Variants in MBLAC1 observed in about 807,000 individuals in gnomAD.
MBLAC1 encodes the protein metallo-beta-lactamase domain-containing protein 1.
In MBLAC1, 1 loss-of-function variant was observed where a neutral mutation model predicts 1.5. The ratio of observed to expected loss-of-function variants is 0.68; its 90% confidence interval spans 0.24 to 3.21. MBLAC1 has a LOEUF of 3.21. MBLAC1 is among the 30% of genes most tolerant of loss of function. The pLI, the probability that MBLAC1 is intolerant of heterozygous loss-of-function variation, is 0.20. For synonymous variants in MBLAC1, 197 were observed against 191.3 expected, an observed-to-expected ratio of 1.03 and a Z score of -0.25; for missense variants, 371 against 384.7, an observed-to-expected ratio of 0.96 and a Z score of 0.30.
chr7:100,128,030 C>G lies in MBLAC1; in HGVS notation c.635C>G (p.Ala212Gly). The G allele has an allele frequency of 6.2e-7, 1 of 1,613,644 alleles. No homozygotes were observed. The highest frequency in any genetic ancestry group is 8.5e-7 in the Non-Finnish European group (1 of 1,179,840). Residue 212 changes from alanine to glycine, a missense_variant, in exon 2 of 2, where the codon GCC becomes GGC. Ala to Gly is a moderately conservative substitution (Grantham distance 60). Transcript: ENST00000398075. ...CAGGCACTGAGTGAAGACCCCGCAG[C>G]CCAGGAGCGGAGCCGGAAGAGGGTC... ...SWQALSEDPA[A>G]QERSRKRVLV...
Position 100,127,937 on chromosome 7 carries a change from G to A in MBLAC1, c.542G>A (p.Gly181Asp). 1 of 1,594,954 alleles carries A rather than the reference G, an allele frequency of 6.3e-7. No individual in the cohort carries two copies. ...GQRDVSVVVA[G>D]TALGTVVVAG... ...CGCGACGTGAGCGTGGTGGTGGCCG[G>A]CACGGCTCTGGGCACCGTGGTGGTG... The change falls in exon 2 of 2, where the codon GGC becomes GAC. Residue 181 changes from glycine to aspartate, a missense_variant. Coordinates refer to ENST00000398075, the MANE Select transcript of MBLAC1 (RefSeq NM_203397.3). This position sits in a 1 kb window ranked among gnomAD's most constrained non-coding sequence, Gnocchi z 4.6.
rs1162670863 is a variant in MBLAC1 at position 100,127,077 on chromosome 7, T to C, written c.-29+13T>C. On this transcript the variant is annotated intron_variant, in intron 1 of 1. Transcript: ENST00000398075. This position sits in a 1 kb window ranked among gnomAD's most constrained non-coding sequence, Gnocchi z 4.6. Reference sequence around the variant, plus strand: ...GCAGAGGCCCAAGGTAGAGCGCGGCTAGGATTCGATGGAGGGAAACATAAA... The same window carrying C: ...GCAGAGGCCCAAGGTAGAGCGCGGCCAGGATTCGATGGAGGGAAACATAAA... The C allele has an allele frequency of 2.8e-6, 1 of 354,090 alleles. No individual in the cohort carries two copies. Among genetic ancestry groups the C allele is most frequent in the Non-Finnish European group, 5.2e-6 (1 of 191,246 alleles). 21.9% of individuals were successfully genotyped at this position (354,090 alleles called of 1,614,324 possible).
Position 100,128,339 on chromosome 7 carries a change from A to T in MBLAC1, c.*143A>T, listed in dbSNP as rs753600917. 5.9e-6 allele frequency: 4 copies of T among 682,388 alleles called. No individual in the cohort carries two copies. Among genetic ancestry groups the T allele is most frequent in the Non-Finnish European group, 1.0e-5 (4 of 401,072 alleles). 42.3% of individuals were successfully genotyped at this position (682,388 alleles called of 1,614,324 possible). ...CTAGTGAAGACAGAGTGCACCTGAC[A>T]CTGCCATCACATCGTCAGTATCACT... On this transcript the variant is annotated 3_prime_UTR_variant, in exon 2 of 2. Transcript: ENST00000398075.
Position 100,127,152 on chromosome 7 carries a change from A to G in MBLAC1, c.-29+88A>G. ...CAAGGACGTACGTACCGCGAACGGA[A>G]TGGGGCGGGGGCCGAGGACGCCGAG... On this transcript the variant is annotated intron_variant, in intron 1 of 1. Transcript: ENST00000398075. This position sits in a 1 kb window ranked among gnomAD's most constrained non-coding sequence, Gnocchi z 4.6. The G allele has an allele frequency of 6.0e-6, 3 of 503,084 alleles. No homozygotes were observed. In the South Asian group the frequency reaches 7.4e-5, roughly 12 times the overall value. The allele number at this position is 503,084 out of a possible 1,614,324, so 31.2% of individuals were successfully genotyped here. A position where few individuals can be genotyped will look rare whatever the true frequency, so the allele number is the denominator to read the frequency against.
Position 100,127,750 on chromosome 7 carries a change from C to T in MBLAC1, c.355C>T (p.His119Tyr). Residue 119 changes from histidine to tyrosine, a missense_variant, in exon 2 of 2, where the codon CAC (histidine) becomes TAC (tyrosine). Coordinates refer to ENST00000398075, the MANE Select transcript of MBLAC1 (RefSeq NM_203397.3). This position sits in a 1 kb window ranked among gnomAD's most constrained non-coding sequence, Gnocchi z 4.6. Reference sequence around the variant, plus strand: ...GGTGGGGACCCACGGGCACTCGGATCACATCGGGAACTTGGGGCTGTTCCC... The same window carrying T: ...GGTGGGGACCCACGGGCACTCGGATTACATCGGGAACTTGGGGCTGTTCCC... ...LVVGTHGHSD[H>Y]IGNLGLFPGA... 1 of 1,522,368 alleles carries T rather than the reference C, an allele frequency of 6.6e-7. No homozygotes were observed. The allele number at this position is 1,522,368 out of a possible 1,614,324, so 94.3% of individuals were successfully genotyped here.
Position 100,128,335 on chromosome 7 carries a change from TG to T in MBLAC1, c.*140del. 23 of 704,948 alleles carry T rather than the reference TG, an allele frequency of 3.3e-5. No homozygotes were observed. The highest frequency in any genetic ancestry group is 7.8e-5 in the South Asian group (4 of 51,140). 43.7% of individuals were successfully genotyped at this position (704,948 alleles called of 1,614,324 possible). On this transcript the variant is annotated 3_prime_UTR_variant, in exon 2 of 2. Transcript: ENST00000398075. ...TTTTCTAGTGAAGACAGAGTGCACC[TG>T]ACACTGCCATCACATCGTCAGTATC...
rs1198296005 is a variant in MBLAC1 at position 100,127,583 on chromosome 7, G to A, written c.188G>A (p.Arg63His). Residue 63 changes from arginine (R) to histidine (H), a missense_variant, in exon 2 of 2, where the codon CGC becomes CAC. By Grantham distance (29) the Arg-to-His change is conservative. Transcript: ENST00000398075. The surrounding 1 kb of genome is among the most constrained non-coding windows in gnomAD (Gnocchi z 4.6). ...GPASSHRESP[R>H]GSGGAEAALE... is the part of the protein sequence containing the mutation. ...GCCTCCAGCCACCGAGAGTCCCCGC[G>A]CGGGAGTGGCGGCGCAGAGGCCGCC... The A allele has an allele frequency of 1.4e-6, 2 of 1,414,226 alleles. No individual in the cohort carries two copies. Among genetic ancestry groups the A allele is most frequent in the Non-Finnish European group, 1.8e-6 (2 of 1,092,530 alleles). 87.6% of individuals were successfully genotyped at this position (1,414,226 alleles called of 1,614,324 possible). A position where few individuals can be genotyped will look rare whatever the true frequency, so the allele number is the denominator to read the frequency against.
In MBLAC1 at chr7:100,127,714, G is replaced by A. The variant is rs1177500648; in HGVS notation, c.319G>A (p.Val107Met). 7 of 1,457,992 alleles carry A rather than the reference G, an allele frequency of 4.8e-6. No homozygotes were observed. Among genetic ancestry groups the A allele is most frequent in the South Asian group, 2.9e-5 (2 of 68,366 alleles). 90.3% of individuals were successfully genotyped at this position (1,457,992 alleles called of 1,614,324 possible). A position where few individuals can be genotyped will look rare whatever the true frequency, so the allele number is the denominator to read the frequency against. Residue 107 changes from valine (V) to methionine (M), a missense_variant, in exon 2 of 2, where the codon GTG becomes ATG. Coordinates refer to ENST00000398075, the MANE Select transcript of MBLAC1 (RefSeq NM_203397.3). The surrounding 1 kb of genome is among the most constrained non-coding windows in gnomAD (Gnocchi z 4.6). ...LAGQGVAPGD[V>M]TLVVGTHGHS... ...GGGGCAGGGCGTGGCCCCGGGAGAC[G>A]TGACGCTAGTGGTGGGGACCCACGG...
Position 100,127,831 on chromosome 7 carries a change from C to A in MBLAC1, c.436C>A (p.Pro146Thr). The change falls in exon 2 of 2, where the codon CCC becomes ACC. Residue 146 changes from proline to threonine, a missense_variant. Transcript: ENST00000398075. The surrounding 1 kb of genome is among the most constrained non-coding windows in gnomAD (Gnocchi z 4.6). Reference sequence around the variant, plus strand: ...CTGCCTTCCCGGAGGCCGCTACCTGCCCCACGGGCTGGGTGAGGGGCAGCC... The same window carrying A: ...CTGCCTTCCCGGAGGCCGCTACCTGACCCACGGGCTGGGTGAGGGGCAGCC... ...DFCLPGGRYL[P>T]HGLGEGQPLR... 6.4e-7 allele frequency: 1 copy of A among 1,566,246 alleles called. No individual in the cohort carries two copies. The highest frequency in any genetic ancestry group is 2.4e-5 in the East Asian group (1 of 42,138).
In MBLAC1 at chr7:100,127,823, G is replaced by A. The variant is rs1338196703; in HGVS notation, c.428G>A (p.Arg143His). The stretch of plus-strand genomic sequence containing the variant: ...CACGACTTCTGCCTTCCCGGAGGCC[G>A]CTACCTGCCCCACGGGCTGGGTGAG... ...VSHDFCLPGG[R>H]YLPHGLGEGQ... The change falls in exon 2 of 2, where the codon CGC becomes CAC. Residue 143 changes from arginine (R) to histidine (H), a missense_variant. Physicochemically the swap from Arg to His is conservative, Grantham distance 29. Coordinates refer to ENST00000398075, the MANE Select transcript of MBLAC1 (RefSeq NM_203397.3). The surrounding 1 kb of genome is among the most constrained non-coding windows in gnomAD (Gnocchi z 4.6). The A allele has an allele frequency of 1.9e-6, 3 of 1,568,526 alleles. No individual in the cohort carries two copies. In the East Asian group the frequency reaches 7.1e-5, roughly 37 times the overall value.
At position 100,128,195 on chromosome 7, in the gene MBLAC1, A is replaced by C; in HGVS notation, c.800A>C (p.Ter267SerextTer14). The stretch of plus-strand genomic sequence containing the variant: ...GGAGACGAGGAGCCCGCCCTGCACT[A>C]ATCAGCCTCGAGAGGGACTGCACTC... ...VVGDEEPALH[*>S] The change falls in exon 2 of 2, where the codon TAA becomes TCA. Residue 267 changes from the stop codon to serine (S), a stop_lost. Coordinates refer to ENST00000398075, the MANE Select transcript of MBLAC1 (RefSeq NM_203397.3). 6.3e-7 allele frequency: 1 copy of C among 1,581,242 alleles called. No homozygotes were observed. The highest frequency in any genetic ancestry group is 8.6e-7 in the Non-Finnish European group (1 of 1,162,908).
At position 100,127,699 on chromosome 7, in the gene MBLAC1, G is replaced by T; in HGVS notation, c.304G>T (p.Val102Leu). Residue 102 changes from valine (V) to leucine (L), a missense_variant, in exon 2 of 2, where the codon GTG (valine) becomes TTG (leucine). Coordinates refer to ENST00000398075, the MANE Select transcript of MBLAC1 (RefSeq NM_203397.3). This position sits in a 1 kb window ranked among gnomAD's most constrained non-coding sequence, Gnocchi z 4.6. ...GCTGGGGGCGCTGGCGGGGCAGGGC[G>T]TGGCCCCGGGAGACGTGACGCTAGT... Reference protein sequence around the residue: ...ALLGALAGQGVAPGDVTLVVG... With the variant: ...ALLGALAGQGLAPGDVTLVVG... 1.4e-6 allele frequency: 2 copies of T among 1,438,262 alleles called. No homozygotes were observed. Among genetic ancestry groups the T allele is most frequent in the South Asian group, 1.5e-5 (1 of 66,396 alleles). The allele number at this position is 1,438,262 out of a possible 1,614,324, so 89.1% of individuals were successfully genotyped here.
chr7:100,127,119 G>A lies in MBLAC1; in HGVS notation c.-29+55G>A. ...AAACATAAAGGATAGCCTTTGGAGG[G>A]TGACGGGCAAGGACGTACGTACCGC... is the stretch of plus-strand genomic sequence containing the variant. On this transcript the variant is annotated intron_variant, in intron 1 of 1. Coordinates refer to ENST00000398075, the MANE Select transcript of MBLAC1 (RefSeq NM_203397.3). The surrounding 1 kb of genome is among the most constrained non-coding windows in gnomAD (Gnocchi z 4.6). 4.0e-6 allele frequency: 2 copies of A among 494,768 alleles called. No individual in the cohort carries two copies. The highest frequency in any genetic ancestry group is 2.6e-5 in the South Asian group (1 of 38,800). The allele number at this position is 494,768 out of a possible 1,614,324, so 30.6% of individuals were successfully genotyped here.
At position 100,127,158 on chromosome 7, in the gene MBLAC1, C is replaced by G. The variant is rs1231550929; in HGVS notation, c.-29+94C>G. ...CGTACGTACCGCGAACGGAATGGGG[C>G]GGGGGCCGAGGACGCCGAGGGAGGG... On this transcript the variant is annotated intron_variant, in intron 1 of 1. Transcript: ENST00000398075. This position sits in a 1 kb window ranked among gnomAD's most constrained non-coding sequence, Gnocchi z 4.6. The G allele has an allele frequency of 1.9e-6, 1 of 533,718 alleles. No homozygotes were observed. Among genetic ancestry groups the G allele is most frequent in the South Asian group, 2.3e-5 (1 of 44,004 alleles). The allele number at this position is 533,718 out of a possible 1,614,324, so 33.1% of individuals were successfully genotyped here.
chr7:100,128,146 A>T lies in MBLAC1; in HGVS notation c.751A>T (p.Asn251Tyr). The T allele has an allele frequency of 1.2e-6, 2 of 1,605,318 alleles. No individual in the cohort carries two copies. Among genetic ancestry groups the T allele is most frequent in the Non-Finnish European group, 1.7e-6 (2 of 1,176,276 alleles). The change falls in exon 2 of 2, where the codon AAC becomes TAC. Residue 251 changes from asparagine (N) to tyrosine (Y), a missense_variant. Transcript: ENST00000398075. ...GCAGCCCGAGACGGAGGGTGGAGGG[A>T]ACAGCCAGCAGGAGCCGGTGGTCGG... ...ASQPETEGGGNSQQEPVVGDE... is the reference protein window; with the variant it reads ...ASQPETEGGGYSQQEPVVGDE...
chr7:100,127,737 C>CG lies in MBLAC1; in HGVS notation c.345dup (p.His116AlafsTer36). 6.6e-7 allele frequency: 1 copy of CG among 1,504,396 alleles called. No individual in the cohort carries two copies. Among genetic ancestry groups the CG allele is most frequent in the Non-Finnish European group, 8.9e-7 (1 of 1,127,766 alleles). The allele number at this position is 1,504,396 out of a possible 1,614,324, so 93.2% of individuals were successfully genotyped here. ...ACGTGACGCTAGTGGTGGGGACCCA[C>CG]GGGCACTCGGATCACATCGGGAACT... On this transcript the variant is annotated frameshift_variant, in exon 2 of 2. Transcript: ENST00000398075. LOFTEE classifies it high-confidence loss of function. This position sits in a 1 kb window ranked among gnomAD's most constrained non-coding sequence, Gnocchi z 4.6.
At position 100,128,103 on chromosome 7, in the gene MBLAC1, A is replaced by G. The variant is rs374231043; in HGVS notation, c.708A>G (p.Arg236=). The part of the protein sequence containing the change: ...VVVPGHGPPF[R]VLREASQPET... ...TACCTGGTCACGGGCCCCCCTTTCG[A>G]GTGTTAAGGGAAGCCTCGCAGCCCG... is the stretch of plus-strand genomic sequence containing the variant. The change falls in exon 2 of 2, where the codon CGA becomes CGG. Residue 236 remains arginine (R), a synonymous_variant. Coordinates refer to ENST00000398075, the MANE Select transcript of MBLAC1 (RefSeq NM_203397.3). 608 of 1,609,360 alleles carry G rather than the reference A, an allele frequency of 3.8e-4. 2 individuals carry two copies. In the African/African-American group the frequency reaches 7.2e-3, roughly 19 times the overall value.
In MBLAC1 at chr7:100,127,980, G is replaced by A; in HGVS notation, c.585G>A (p.Glu195=). The A allele has an allele frequency of 6.2e-7, 1 of 1,612,248 alleles. No individual in the cohort carries two copies. The highest frequency in any genetic ancestry group is 8.5e-7 in the Non-Finnish European group (1 of 1,179,234). ...GTVVVAGDVF[E]RDGDEDSWQA... is the part of the protein sequence containing the mutation. Reference sequence around the variant, plus strand: ...TGGTGGTGGCGGGAGATGTGTTTGAGCGAGATGGGGACGAGGATTCGTGGC... The same window carrying A: ...TGGTGGTGGCGGGAGATGTGTTTGAACGAGATGGGGACGAGGATTCGTGGC... The change falls in exon 2 of 2, where the codon GAG becomes GAA. Residue 195 remains glutamate (E), a synonymous_variant. Coordinates refer to ENST00000398075, the MANE Select transcript of MBLAC1 (RefSeq NM_203397.3). This position sits in a 1 kb window ranked among gnomAD's most constrained non-coding sequence, Gnocchi z 4.6.
Position 100,127,732 on chromosome 7 carries a change from A to G in MBLAC1, c.337A>G (p.Thr113Ala). Residue 113 changes from threonine (T) to alanine (A), a missense_variant, in exon 2 of 2, where the codon ACC (threonine) becomes GCC (alanine). Thr to Ala is a moderately conservative substitution (Grantham distance 58). Transcript: ENST00000398075. The surrounding 1 kb of genome is among the most constrained non-coding windows in gnomAD (Gnocchi z 4.6). ...GGGAGACGTGACGCTAGTGGTGGGG[A>G]CCCACGGGCACTCGGATCACATCGG... The part of the protein sequence containing the change: ...APGDVTLVVG[T>A]HGHSDHIGNL... 1 of 1,496,386 alleles carries G rather than the reference A, an allele frequency of 6.7e-7. No homozygotes were observed. The highest frequency in any genetic ancestry group is 8.9e-7 in the Non-Finnish European group (1 of 1,124,492). 92.7% of individuals were successfully genotyped at this position (1,496,386 alleles called of 1,614,324 possible). A position where few individuals can be genotyped will look rare whatever the true frequency, so the allele number is the denominator to read the frequency against.
Sources: allele counts gnomAD v4.1 joint callset, GRCh38; gene constraint gnomAD v4.1.1; non-coding constraint Gnocchi (gnomAD v3.1); transcripts MANE v1.5; gene names NCBI Gene and HGNC (gene_info 2026-07-23, HGNC 2026-07-21).